The following NBR1 variants were observed in gnomAD, a reference collection of about 807,000 sequenced individuals.
The protein encoded by NBR1 is next to BRCA1 gene 1 protein.
In NBR1, 59 loss-of-function variants were observed where a neutral mutation model predicts 115.5. The ratio of observed to expected loss-of-function variants is 0.51; its 90% CI spans 0.41 to 0.63. The LOEUF (loss-of-function observed/expected upper bound fraction) is 0.63, where lower values mean the gene tolerates loss of function less well. Ranked by LOEUF, NBR1 falls within the 30% of genes least tolerant of loss-of-function variation. The probability of loss-of-function intolerance (pLI) is 0.00; values close to 1 mark genes in which losing one functional copy is unlikely to be tolerated. For synonymous variants in NBR1, 373 were observed against 414.7 expected, an observed-to-expected ratio of 0.90 and a Z score of 1.22; for missense variants, 1,043 against 1,150.5, an observed-to-expected ratio of 0.91 and a Z score of 1.35.
chr17:43,193,771 C>T, intron 12 of NBR1, 133 bp downstream of exon 12: 1 of 920,636 alleles, frequency 1.1e-6, no homozygotes. Flanking sequence ...CCCCCCGCCC[C>T]AACACATCTC....
Position 43,180,797 on chromosome 17 carries a change from G to A in NBR1, c.187G>A (p.Glu63Lys), listed in dbSNP as rs770673477. 6.2e-6 allele frequency: 9 copies of A among 1,454,170 alleles called. No individual in the cohort carries two copies. Among genetic ancestry groups the A allele is most frequent in the Non-Finnish European group, 5.5e-6 (6 of 1,095,172 alleles). 90.1% of individuals were successfully genotyped at this position (1,454,170 alleles called of 1,614,324 possible). The change falls in exon 5 of 21, where the codon GAA (glutamate) becomes AAA (lysine). Residue 63 changes from glutamate (E) to lysine (K), a missense_variant and splice_region_variant. Physicochemically the swap from Glu to Lys is moderately conservative, Grantham distance 56. Coordinates refer to ENST00000590996, the MANE Select transcript of NBR1 (RefSeq NM_005899.5). Reference protein sequence around the residue: ...NEEVSINSQGEYEEALKMAVK... With the variant: ...NEEVSINSQGKYEEALKMAVK... ...GTGTATATTTTTTGTTCTTTTAGGA[G>A]AATATGAAGAAGCGCTTAAGGTAAT... is the stretch of plus-strand genomic sequence containing the variant.
Position 43,193,114 on chromosome 17 carries a change from C to A in NBR1, c.1094C>A (p.Thr365Asn). The A allele has an allele frequency of 6.2e-7, 1 of 1,613,924 alleles. No homozygotes were observed. The highest frequency in any genetic ancestry group is 1.7e-5 in the Admixed American group (1 of 60,018). ...NTLMLPLQPC[T>N]SVMPMLSAAF... is the part of the protein sequence containing the mutation. ...TTCAGGCTCCCTTTGCAGCCCTGTA[C>A]CTCCGTTATGCCAATGCTCAGTGCA... The change falls in exon 11 of 21, where the codon ACC (threonine) becomes AAC (asparagine). Residue 365 changes from threonine (T) to asparagine (N), a missense_variant. By Grantham distance (65) the Thr-to-Asn change is moderately conservative (BLOSUM62 0). Transcript: ENST00000590996.
intron 20 of NBR1, among the ~76,000 whole-genome samples, chr17:43,204,612 C>G (rs951310104): frequency 8.2e-5 from 12 of 146,514 alleles, no homozygotes; most frequent in African/African-American, 3.0e-4. Flanking sequence ...GTCAGGAGAT[C>G]GAGACCATCC....
intron 1 of NBR1, among the ~76,000 whole-genome samples, chr17:43,171,991 T>C (rs1295539931): frequency 2.6e-5 from 4 of 152,118 alleles, no homozygotes; most frequent in Admixed American, 6.5e-5. Context: ...TAAAGGCCTC[T>C]GGTGGAGACA....
intron 3 of NBR1, 83 bp from the exon 4 acceptor site, chr17:43,179,309 CTG>C (rs2056605298): frequency 7.9e-7 from 1 of 1,273,300 alleles, no homozygotes; most frequent in Admixed American, 1.9e-5. Flanking sequence ...GAGTTTTTGT[CTG>C]TCCTATGGGG....
chr17:43,172,548 G>A (rs2056402884), intron 1 of NBR1, among the ~76,000 whole-genome samples: 1 of 152,102 alleles, frequency 6.6e-6, no homozygotes, highest in Non-Finnish European at 1.5e-5. Flanking sequence ...AGGTCCTGGG[G>A]AATTGACAAA....
At chr17:43,180,851 T>A (rs972647546) in intron 5 of NBR1, 34 bp downstream of exon 5, 12 of 1,373,162 alleles carry the variant, frequency 8.7e-6, no homozygotes, top group East Asian at 6.0e-5. Context: ...TTAAATAATT[T>A]AAAAAATATT....
rs2056605130 is a variant in NBR1 at position 43,179,301 on chromosome 17, GTT to G, written c.166-89_166-88del. ...TGGAAAAGCTGAACGCTTGGCCTGA[GTT>G]TTTGTCTGTCCTATGGGGCTGGTCC... On this transcript the variant is annotated intron_variant, in intron 3 of 20. Coordinates refer to ENST00000590996, the MANE Select transcript of NBR1 (RefSeq NM_005899.5). 9.3e-6 allele frequency: 11 copies of G among 1,184,680 alleles called. No individual in the cohort carries two copies. The Admixed American group carries it at 2.0e-4, about 21-fold the overall frequency. The allele number at this position is 1,184,680 out of a possible 1,614,324, so 73.4% of individuals were successfully genotyped here. A position where few individuals can be genotyped will look rare whatever the true frequency, so the allele number is the denominator to read the frequency against.
chr17:43,209,675 T>C, intron 20 of NBR1: 2 of 1,535,522 alleles, frequency 1.3e-6, no homozygotes, highest in Non-Finnish European at 1.7e-6. Flanking sequence ...GTTTCCCTTT[T>C]CTCCTCCTTC....
chr17:43,204,270 C>T (rs2057268200), intron 20 of NBR1, among the ~76,000 whole-genome samples: 1 of 151,858 alleles, frequency 6.6e-6, no homozygotes, highest in African/African-American at 2.4e-5. Context: ...ATGACTTTAG[C>T]CAAGTTACTT....
At chr17:43,185,667 G>A (rs1308198557) in intron 5 of NBR1, among the ~76,000 whole-genome samples, 1 of 152,054 alleles carries the variant, frequency 6.6e-6, no homozygotes, top group African/African-American at 2.4e-5. Context: ...ATTCCAACAT[G>A]GGTGACAGAG....
In NBR1 at chr17:43,210,144, A is replaced by ATAG. The variant is rs925127325; in HGVS notation, c.*71_*73dup. ...CTTTATTCTGTCATTGGGGTATGGG[A>ATAG]TAGAAGCCCTTGCTTATTTTTAATC... On this transcript the variant is annotated 3_prime_UTR_variant, in exon 21 of 21. Coordinates refer to ENST00000590996, the MANE Select transcript of NBR1 (RefSeq NM_005899.5). The ATAG allele has an allele frequency of 6.9e-7, 1 of 1,441,382 alleles. No individual in the cohort carries two copies. The highest frequency in any genetic ancestry group is 9.4e-7 in the Non-Finnish European group (1 of 1,065,994). 89.3% of individuals were successfully genotyped at this position (1,441,382 alleles called of 1,614,324 possible).
chr17:43,174,467 G>A lies in NBR1; in HGVS notation c.-9-1324G>A, dbSNP rs547506247. Among the ~76,000 whole-genome samples the A allele has an allele frequency of 6.6e-5, 10 of 152,046 alleles. No homozygotes were observed. The South Asian group carries it at 1.2e-3, about 19-fold the overall frequency. Reference sequence around the variant, plus strand: ...AAAAAAATTAGCCAGGCGTGGTGGCGGGCGCCTGTAGTCCCAGCTACTCAG... The same window carrying A: ...AAAAAAATTAGCCAGGCGTGGTGGCAGGCGCCTGTAGTCCCAGCTACTCAG... On this transcript the variant is annotated intron_variant, in intron 1 of 20. Coordinates refer to ENST00000590996, the MANE Select transcript of NBR1 (RefSeq NM_005899.5).
chr17:43,199,596 T>C (rs2154582330), intron 16 of NBR1, among the ~76,000 whole-genome samples: 1 of 151,510 alleles, frequency 6.6e-6, no homozygotes, highest in East Asian at 2.0e-4. Flanking sequence ...AGGATGGCCT[T>C]GATATCCTGA....
chr17:43,179,611 C>T (rs911976791), intron 4 of NBR1, among the ~76,000 whole-genome samples, 199 bp downstream of exon 4: 43 of 152,096 alleles, frequency 2.8e-4, no homozygotes, highest in African/African-American at 1.0e-3. Context: ...ACCCTAAGGA[C>T]AGCTTTAATG....
At chr17:43,199,382 C>CTT (rs543878715) in intron 16 of NBR1, among the ~76,000 whole-genome samples, 2 of 142,776 alleles carry the variant, frequency 1.4e-5, no homozygotes, top group Non-Finnish European at 3.1e-5. Flanking sequence ...GCCTGGGTAG[C>CTT]TTTTTTTTTT....
At position 43,177,949 on chromosome 17, in the gene NBR1, T is replaced by A. The variant is rs1228240891; in HGVS notation, c.116T>A (p.Phe39Tyr). The change falls in exon 3 of 21, where the codon TTT (phenylalanine) becomes TAT (tyrosine). Residue 39 changes from phenylalanine (F) to tyrosine (Y), a missense_variant. Transcript: ENST00000590996. ...TCTCTTTTATAGGTAAAAGTTTCAT[T>A]TGATCTGAATACTATTCAAATAAAA... is the stretch of plus-strand genomic sequence containing the variant. ...ADIEAMVKVS[F>Y]DLNTIQIKYL... The A allele has an allele frequency of 6.5e-7, 1 of 1,546,368 alleles. No individual in the cohort carries two copies. The highest frequency in any genetic ancestry group is 1.8e-5 in the Admixed American group (1 of 56,492).
Position 43,175,866 on chromosome 17 carries a change from C to G in NBR1, c.67C>G (p.Pro23Ala). The change falls in exon 2 of 21, where the codon CCA (proline) becomes GCA (alanine). Residue 23 changes from proline (P) to alanine (A), a missense_variant. Transcript: ENST00000590996. ...AATTCAAAGCTTTCTGGTTTCTGAT[C>G]CAGAAAATACAACTTGGGCTGATAT... ...NEIQSFLVSD[P>A]ENTTWADIEA... is the part of the protein sequence containing the mutation. The G allele has an allele frequency of 6.2e-7, 1 of 1,604,780 alleles. No homozygotes were observed. The highest frequency in any genetic ancestry group is 8.5e-7 in the Non-Finnish European group (1 of 1,173,246).
chr17:43,202,290 G>C (rs1210403470), intron 18 of NBR1, among the ~76,000 whole-genome samples: 4 of 151,376 alleles, frequency 2.6e-5, no homozygotes, highest in Non-Finnish European at 5.9e-5. Flanking sequence ...GTAGTGGAAA[G>C]AACACAGGCT....
Sources: gnomAD v4.1 joint callset for allele counts (sites outside exome capture counted in the v4.1 genomes callset) on GRCh38, gnomAD v4.1.1 for gene constraint, MANE v1.5 for transcripts, NCBI Gene and HGNC (gene_info 2026-07-23, HGNC 2026-07-21) for gene names.